The following EPS8L1 variants were observed in gnomAD, a reference collection of about 807,000 sequenced individuals.
EPS8L1 encodes the protein EPS8 signaling adaptor L1, also known as epidermal growth factor receptor kinase substrate 8-like protein 1.
In EPS8L1, 101 loss-of-function variants were observed where a neutral mutation model predicts 91.7. That is an observed-to-expected ratio of 1.10 (90% CI 0.94 to 1.30). The LOEUF is 1.30. Among genes scored for constraint, EPS8L1 ranks in the 50% most tolerant of loss-of-function variants. EPS8L1 has a pLI of 0.00. For synonymous variants in EPS8L1, 506 were observed against 445.3 expected, an observed-to-expected ratio of 1.14 and a Z score of -1.72; for missense variants, 1,114 against 1,017.0, an observed-to-expected ratio of 1.10 and a Z score of -1.30.
Position 55,083,950 on chromosome 19 carries a change from A to C in EPS8L1, c.1385+306A>C. 2 of 592,608 alleles carry C rather than the reference A, an allele frequency of 3.4e-6. No individual in the cohort carries two copies. Among genetic ancestry groups the C allele is most frequent in the Non-Finnish European group, 6.0e-6 (2 of 332,898 alleles). The allele number at this position is 592,608 out of a possible 1,614,324, so 36.7% of individuals were successfully genotyped here. On this transcript the variant is annotated intron_variant, in intron 14 of 19. Coordinates refer to ENST00000201647, the MANE Select transcript of EPS8L1 (RefSeq NM_133180.3). The surrounding 1 kb of genome is among the most constrained non-coding windows in gnomAD (Gnocchi z 4.7). ...AGAGGTTGGATCCCTGGATCCCCAA[A>C]AGGCTGGAAGAAGCCAGTTTGTTTT...
intron 14 of EPS8L1, chr19:55,085,579 G>A (rs1217179109): frequency 8.7e-6 from 3 of 343,632 alleles, no homozygotes; most frequent in South Asian, 7.6e-5. Context: ...TCATTTTCTC[G>A]CTCTGAGCCT....
At chr19:55,078,307 T>TG (rs2076175957) in intron 3 of EPS8L1, among the ~76,000 whole-genome samples, 179 bp downstream of exon 3, 1 of 75,854 alleles carries the variant, frequency 1.3e-5, no homozygotes, top group Non-Finnish European at 2.4e-5. Context: ...GCTGGACTCC[T>TG]AGGTTTGAGG....
chr19:55,081,323 C>G lies in EPS8L1; in HGVS notation c.605C>G (p.Thr202Ser). 4.5e-6 allele frequency: 7 copies of G among 1,556,948 alleles called. No homozygotes were observed. Among genetic ancestry groups the G allele is most frequent in the Non-Finnish European group, 6.1e-6 (7 of 1,157,012 alleles). Residue 202 changes from threonine to serine, a missense_variant, in exon 8 of 20, where the codon ACC becomes AGC. By Grantham distance (58) the Thr-to-Ser change is moderately conservative. Coordinates refer to ENST00000201647, the MANE Select transcript of EPS8L1 (RefSeq NM_133180.3). The surrounding 1 kb of genome is among the most constrained non-coding windows in gnomAD (Gnocchi z 4.9). ...CCGTCAGTCCGCGCAGTGATCAGCA[C>G]CGTAGAGCGGGGCGCGGGCCGCGGA... ...RRPSVRAVIS[T>S]VERGAGRGRP...
At chr19:55,079,563 G>A in intron 4 of EPS8L1, 127 bp from the exon 5 acceptor site, 1 of 1,116,492 alleles carries the variant, frequency 9.0e-7, no homozygotes, top group Non-Finnish European at 1.3e-6. Flanking sequence ...TGTGGAACAG[G>A]TGATCAAGGA....
Position 55,086,062 on chromosome 19 carries a change from T to A in EPS8L1, c.1520T>A (p.Val507Asp). 4 of 1,594,664 alleles carry A rather than the reference T, an allele frequency of 2.5e-6. No individual in the cohort carries two copies. Among genetic ancestry groups the A allele is most frequent in the Non-Finnish European group, 3.4e-6 (4 of 1,167,292 alleles). ...CCCTCTGTTCTTTACCACACCCAGG[T>A]CCTGGATGACAGTCGTAAGTGGTGG... ...LSVKQRDVLE[V>D]LDDSRKWWKV... The change falls in exon 16 of 20, where the codon GTC (valine) becomes GAC (aspartate). Residue 507 changes from valine to aspartate, a missense_variant and splice_region_variant. Transcript: ENST00000201647.
Position 55,083,504 on chromosome 19 carries a change from G to A in EPS8L1, c.1341G>A (p.Glu447=), listed in dbSNP as rs766163585. 16 of 1,611,296 alleles carry A rather than the reference G, an allele frequency of 9.9e-6. No homozygotes were observed. Among genetic ancestry groups the A allele is most frequent in the Admixed American group, 1.7e-5 (1 of 59,756 alleles). The change falls in exon 13 of 20, where the codon GAG becomes GAA. Residue 447 remains glutamate (E), a synonymous_variant. Coordinates refer to ENST00000201647, the MANE Select transcript of EPS8L1 (RefSeq NM_133180.3). The surrounding 1 kb of genome is among the most constrained non-coding windows in gnomAD (Gnocchi z 4.7). ...EDPVEKQLQH[E]RRRRQQSAPQ... ...CAGTTGAGAAACAGCTACAGCACGA[G>A]CGGAGGCGCCGGCAGGTGACCCAAG...
chr19:55,078,039 G>A (rs2076166768), intron 2 of EPS8L1, 49 bp from the exon 3 acceptor site: 1 of 1,601,952 alleles, frequency 6.2e-7, no homozygotes, highest in African/African-American at 1.3e-5. Context: ...ATTTCCACAG[G>A]ATCTGCCCCC....
chr19:55,079,196 C>T, intron 4 of EPS8L1, 139 bp downstream of exon 4: 4 of 836,380 alleles, frequency 4.8e-6, no homozygotes, highest in Middle Eastern at 3.1e-4. Context: ...AATGGACCTC[C>T]GTTGCCTCAC....
chr19:55,080,063 T>C, intron 5 of EPS8L1, 66 bp from the exon 6 acceptor site: 1 of 1,456,652 alleles, frequency 6.9e-7, no homozygotes, highest in Non-Finnish European at 9.1e-7. Flanking sequence ...TGGCCCACAC[T>C]CCCGTCGCCA....
chr19:55,085,816 C>T lies in EPS8L1; in HGVS notation c.1386-25C>T, dbSNP rs2076346392. 18 of 1,604,612 alleles carry T rather than the reference C, an allele frequency of 1.1e-5. 1 individual carries two copies. The East Asian group carries it at 3.8e-4, about 34-fold the overall frequency. ...GCAATGGGGCTGGCTGCCTCCTTATCTCCAACCCTCCCGCTTCTCCTCAGT... is the reference window on the plus strand; with the variant it reads ...GCAATGGGGCTGGCTGCCTCCTTATTTCCAACCCTCCCGCTTCTCCTCAGT... On this transcript the variant is annotated intron_variant, in intron 14 of 19. Coordinates refer to ENST00000201647, the MANE Select transcript of EPS8L1 (RefSeq NM_133180.3).
In EPS8L1 at chr19:55,081,702, A is replaced by G; in HGVS notation, c.775-71A>G. The G allele has an allele frequency of 6.5e-7, 1 of 1,541,506 alleles. No homozygotes were observed. Among genetic ancestry groups the G allele is most frequent in the Non-Finnish European group, 8.7e-7 (1 of 1,143,080 alleles). On this transcript the variant is annotated intron_variant, in intron 8 of 19. Coordinates refer to ENST00000201647, the MANE Select transcript of EPS8L1 (RefSeq NM_133180.3). This position sits in a 1 kb window ranked among gnomAD's most constrained non-coding sequence, Gnocchi z 4.9. ...GATCTGGGGAAGTGTATAGGTGCTCAGGTTCAGGGCTTCGACGGGGATGGT... is the reference window on the plus strand; with the variant it reads ...GATCTGGGGAAGTGTATAGGTGCTCGGGTTCAGGGCTTCGACGGGGATGGT...
chr19:55,080,852 C>G lies in EPS8L1; in HGVS notation c.510C>G (p.Leu170=), dbSNP rs2076242956. The change falls in exon 7 of 20, where the codon CTC becomes CTG. Residue 170 remains leucine, a splice_region_variant and synonymous_variant. Coordinates refer to ENST00000201647, the MANE Select transcript of EPS8L1 (RefSeq NM_133180.3). ...GCGGGGAGCGCAGGGCGGCGGCGCT[C>G]AGGTGAGAGGGAAGAAGTTGGCAGG... is the stretch of plus-strand genomic sequence containing the variant. ...SGRGERRAAA[L]RATQEELQRD... is the part of the protein sequence containing the mutation. 6.2e-7 allele frequency: 1 copy of G among 1,607,154 alleles called. No homozygotes were observed. The highest frequency in any genetic ancestry group is 2.2e-5 in the East Asian group (1 of 44,708).
At position 55,081,507 on chromosome 19, in the gene EPS8L1, A is replaced by C. The variant is rs768877616; in HGVS notation, c.774+15A>C. 6.4e-6 allele frequency: 10 copies of C among 1,563,726 alleles called. No individual in the cohort carries two copies. The African/African-American group carries it at 8.2e-5, about 13-fold the overall frequency. On this transcript the variant is annotated intron_variant, in intron 8 of 19. Transcript: ENST00000201647. The surrounding 1 kb of genome is among the most constrained non-coding windows in gnomAD (Gnocchi z 4.9). Reference sequence around the variant, plus strand: ...AGCGGGAAGTGGTGAGCCGCTAAGGAAGGGGTCTGGGGGCAGGGCCAGGCG... The same window carrying C: ...AGCGGGAAGTGGTGAGCCGCTAAGGCAGGGGTCTGGGGGCAGGGCCAGGCG...
At position 55,086,893 on chromosome 19, in the gene EPS8L1, G is replaced by C. The variant is rs1301985308; in HGVS notation, c.1952+5G>C. 7.0e-7 allele frequency: 1 copy of C among 1,425,056 alleles called. No individual in the cohort carries two copies. The highest frequency in any genetic ancestry group is 1.5e-5 in the South Asian group (1 of 65,894). The allele number at this position is 1,425,056 out of a possible 1,614,324, so 88.3% of individuals were successfully genotyped here. A position where few individuals can be genotyped will look rare whatever the true frequency, so the allele number is the denominator to read the frequency against. On this transcript the variant is annotated splice_donor_5th_base_variant and intron_variant, in intron 18 of 19. Coordinates refer to ENST00000201647, the MANE Select transcript of EPS8L1 (RefSeq NM_133180.3). ...GGCCAAGGGCTTTAGCTCCGGGTGA[G>C]TGGGGCCGGGGCCCTCTCGGCGCGG...
In EPS8L1 at chr19:55,087,287, G is replaced by GGCTGCCCTC. The variant is rs1046187680; in HGVS notation, c.1953-12_1953-4dup. The GGCTGCCCTC allele has an allele frequency of 1.3e-5, 21 of 1,590,244 alleles. No homozygotes were observed. The highest frequency in any genetic ancestry group is 1.7e-5 in the Non-Finnish European group (20 of 1,168,928). ...CCGCCGACCGGCCTGACCGCGCCCG[G>GGCTGCCCTC]GCTGCCCTCGCTCAGGACCGTGGAC... is the stretch of plus-strand genomic sequence containing the variant. On this transcript the variant is annotated splice_polypyrimidine_tract_variant and intron_variant, in intron 18 of 19. Coordinates refer to ENST00000201647, the MANE Select transcript of EPS8L1 (RefSeq NM_133180.3).
intron 6 of EPS8L1, 173 bp from the exon 7 acceptor site, chr19:55,080,599 A>T: frequency 1.9e-6 from 3 of 1,597,254 alleles, no homozygotes; most frequent in Non-Finnish European, 2.6e-6. Context: ...GGCTTAGGGC[A>T]GGGACAGGTG....
intron 14 of EPS8L1, among the ~76,000 whole-genome samples, chr19:55,084,879 G>C (rs1448256863): frequency 6.6e-6 from 1 of 152,182 alleles, no homozygotes; most frequent in Non-Finnish European, 1.5e-5. Context: ...GCTGTGACCA[G>C]GTTCAAGTTC....
chr19:55,077,975 C>T (rs1602907931), intron 2 of EPS8L1, 113 bp from the exon 3 acceptor site: 3 of 531,818 alleles, frequency 5.6e-6, no homozygotes, highest in South Asian at 6.7e-5. Flanking sequence ...TAATAATAAC[C>T]CTTCCATCGC....
At position 55,086,189 on chromosome 19, in the gene EPS8L1, CCTGGTGAGCCAGCGCAGACG is replaced by C. The variant is rs749566750; in HGVS notation, c.1650+2_1650+21del. ...ACCACAGCCAAAGCCCTGCCCGCAGCCTGGTGAGCCAGCGCAGACGCTGGGATCTTGAGGGTGGAGAGGCT... is the reference window on the plus strand; with the variant it reads ...ACCACAGCCAAAGCCCTGCCCGCAGCCTGGGATCTTGAGGGTGGAGAGGCT... On this transcript the variant is annotated splice_donor_variant and splice_donor_5th_base_variant and coding_sequence_variant and intron_variant, in exon 16 of 20. Coordinates refer to ENST00000201647, the MANE Select transcript of EPS8L1 (RefSeq NM_133180.3). LOFTEE classifies it high-confidence loss of function. The C allele has an allele frequency of 5.6e-6, 9 of 1,594,508 alleles. No homozygotes were observed. In the African/African-American group the frequency reaches 6.7e-5, roughly 12 times the overall value.
Sources: allele counts gnomAD v4.1 joint callset (sites outside exome capture counted in the v4.1 genomes callset), GRCh38; gene constraint gnomAD v4.1.1; non-coding constraint Gnocchi (gnomAD v3.1); transcripts MANE v1.5; gene names NCBI Gene and HGNC (gene_info 2026-07-23, HGNC 2026-07-21).